The following SETD2 variants were observed in gnomAD, a reference collection of about 807,000 sequenced individuals.
The protein encoded by SETD2 is SET domain containing 2, histone lysine methyltransferase.
A neutral mutation model predicts 242.1 loss-of-function variants in SETD2; 31 were observed. That is an observed-to-expected ratio of 0.13 (90% CI 0.10 to 0.17). The LOEUF (loss-of-function observed/expected upper bound fraction) is 0.17, where lower values mean the gene tolerates loss of function less well. Ranked by LOEUF, SETD2 falls within the 10% of genes least tolerant of loss-of-function variation. The pLI is 1.00. For missense variants in SETD2, 2,481 were observed against 3,046.3 expected (o/e 0.81, Z 4.37); for synonymous variants, 1,006 against 1,066.5 (o/e 0.94, Z 1.11).
At chr3:47,083,685 A>C (rs369733837) in intron 12 of SETD2, 35 bp downstream of exon 12, 48 of 1,559,654 alleles carry the variant, frequency 3.1e-5, no homozygotes, top group Non-Finnish European at 4.0e-5. Context: ...AACCTGAGTA[A>C]TTCAAGTTGA....
chr3:47,044,957 G>A (rs2039455664), intron 16 of SETD2, among the ~76,000 whole-genome samples: 1 of 152,170 alleles, frequency 6.6e-6, no homozygotes, highest in South Asian at 2.1e-4. Flanking sequence ...AATTAGAGAT[G>A]CTCAAGTGGT....
chr3:47,056,126 ATTTATTTATTTATTTT>A (rs1202541430), intron 15 of SETD2, among the ~76,000 whole-genome samples: 1 of 101,986 alleles, frequency 9.8e-6, no homozygotes, highest in Non-Finnish European at 2.2e-5. Context: ...TTATTTATTT[ATTTATTTATTTATTTT>A]GAGATGGCAT....
intron 9 of SETD2, 82 bp from the exon 10 acceptor site, chr3:47,088,329 T>A (rs2107652513): frequency 7.3e-7 from 1 of 1,378,624 alleles, no homozygotes; most frequent in Non-Finnish European, 9.9e-7. Flanking sequence ...TTGCTCAACC[T>A]TATCAATTAT....
At chr3:47,018,985 G>A (rs1324889105) in intron 19 of SETD2, among the ~76,000 whole-genome samples, 1 of 152,220 alleles carries the variant, frequency 6.6e-6, no homozygotes, top group Non-Finnish European at 1.5e-5. Context: ...GCCCTAATAT[G>A]GCATACTTTT....
intron 12 of SETD2, among the ~76,000 whole-genome samples, chr3:47,071,081 G>C (rs2040799413): frequency 6.6e-6 from 1 of 152,116 alleles, no homozygotes; most frequent in Non-Finnish European, 1.5e-5. Flanking sequence ...GGGATGCTTT[G>C]ATCTTCAGCT....
In SETD2 at chr3:47,121,205, G is replaced by A. The variant is rs771866928; in HGVS notation, c.3431C>T (p.Ser1144Phe). The A allele has an allele frequency of 1.2e-5, 20 of 1,613,982 alleles. No individual in the cohort carries two copies. The highest frequency in any genetic ancestry group is 1.5e-5 in the Non-Finnish European group (18 of 1,179,994). The change falls in exon 3 of 21, where the codon TCT becomes TTT. Residue 1144 changes from serine to phenylalanine, a missense_variant. Coordinates refer to ENST00000409792, the MANE Select transcript of SETD2 (RefSeq NM_014159.7). ...HKGTEKNPEI[S>F]FTQSSRKQID... Reference sequence around the variant, plus strand: ...TTGTTTTCTACTGGACTGTGTAAAAGAAATTTCCGGATTCTTCTCTGTTCC... The same window carrying A: ...TTGTTTTCTACTGGACTGTGTAAAAAAAATTTCCGGATTCTTCTCTGTTCC...
intron 9 of SETD2, among the ~76,000 whole-genome samples, chr3:47,090,358 G>A (rs1199044456): frequency 6.6e-6 from 1 of 151,914 alleles, no homozygotes; most frequent in Non-Finnish European, 1.5e-5. Context: ...CTGAACAAGG[G>A]AATATATATG....
rs935008196 is a variant in SETD2, at chr3:47,101,629, T to C, written c.4918-74A>G. 12 of 806,568 alleles carry C rather than the reference T, an allele frequency of 1.5e-5. No homozygotes were observed. The African/African-American group carries it at 1.7e-4, about 12-fold the overall frequency. 50.0% of individuals were successfully genotyped at this position (806,568 alleles called of 1,614,324 possible). Reference sequence around the variant, plus strand: ...GTGTGTGTGTGTGTGTGTGTGTGTGTGTGTGCGCATATATAAAGATCATCA... The same window carrying C: ...GTGTGTGTGTGTGTGTGTGTGTGTGCGTGTGCGCATATATAAAGATCATCA... On this transcript the variant is annotated intron_variant, in intron 7 of 20. Coordinates refer to ENST00000409792, the MANE Select transcript of SETD2 (RefSeq NM_014159.7).
chr3:47,032,360 A>G (rs772265854), intron 18 of SETD2, among the ~76,000 whole-genome samples: 1 of 152,052 alleles, frequency 6.6e-6, no homozygotes, highest in Non-Finnish European at 1.5e-5. Flanking sequence ...ACAAAAATGT[A>G]CAAAACTTAG....
At chr3:47,131,979 T>C (rs1471761342) in intron 1 of SETD2, among the ~76,000 whole-genome samples, 2 of 151,322 alleles carry the variant, frequency 1.3e-5, no homozygotes, top group Admixed American at 6.6e-5. Flanking sequence ...GGTTTCACCA[T>C]GCTGGCCAGG....
intron 12 of SETD2, among the ~76,000 whole-genome samples, chr3:47,076,541 T>C (rs1443284054): frequency 6.6e-6 from 1 of 152,142 alleles, no homozygotes; most frequent in East Asian, 1.9e-4. Context: ...GATGCCACAA[T>C]AAAAGTAACT....
intron 1 of SETD2, among the ~76,000 whole-genome samples, chr3:47,146,008 CCT>C (rs1353487399): frequency 4.5e-5 from 5 of 110,294 alleles, no homozygotes; most frequent in Non-Finnish European, 9.0e-5. Flanking sequence ...AGAGCGAGAC[CCT>C]GTCTCAAAAA....
At chr3:47,153,182 A>C (rs2044037792) in intron 1 of SETD2, among the ~76,000 whole-genome samples, 1 of 152,226 alleles carries the variant, frequency 6.6e-6, no homozygotes, top group Non-Finnish European at 1.5e-5. Context: ...AAATTAAAAA[A>C]TTAAAAAGCA....
intron 8 of SETD2, among the ~76,000 whole-genome samples, chr3:47,100,435 A>G (rs2042165635): frequency 6.6e-6 from 1 of 151,214 alleles, no homozygotes; most frequent in Non-Finnish European, 1.5e-5. Flanking sequence ...TAATTTTTAT[A>G]TTTTTAGTAT....
Position 47,122,540 on chromosome 3 carries a change from TCAG to T in SETD2, c.2093_2095del (p.Ser698_Asp699delinsTyr), listed in dbSNP as rs765018349. ...TAATTCCGATCCAGTCACACTATCATCAGAAGTCATTAAAACAGCATCAGTTTT... is the reference window on the plus strand; with the variant it reads ...TAATTCCGATCCAGTCACACTATCATAAGTCATTAAAACAGCATCAGTTTT... On this transcript the variant is annotated inframe_deletion, in exon 3 of 21. Transcript: ENST00000409792. 4 of 1,614,000 alleles carry T rather than the reference TCAG, an allele frequency of 2.5e-6. No homozygotes were observed. The highest frequency in any genetic ancestry group is 3.3e-5 in the Admixed American group (2 of 60,002).
intron 1 of SETD2, among the ~76,000 whole-genome samples, chr3:47,127,104 C>A (rs2043351255): frequency 6.6e-6 from 1 of 152,160 alleles, no homozygotes. Flanking sequence ...CACCTGTAAT[C>A]CCAGCACTTT....
At chr3:47,022,233 A>AC (rs1553674330) in intron 18 of SETD2, among the ~76,000 whole-genome samples, 4 of 146,726 alleles carry the variant, frequency 2.7e-5, no homozygotes, top group South Asian at 2.2e-4. Context: ...ACACACACAC[A>AC]AATTTAGCAC....
rs1387872740 is a variant in SETD2 at position 47,123,442 on chromosome 3, T to C, written c.1194A>G (p.Arg398=). 5.2e-6 allele frequency: 8 copies of C among 1,551,614 alleles called. No homozygotes were observed. Among genetic ancestry groups the C allele is most frequent in the Non-Finnish European group, 7.0e-6 (8 of 1,146,964 alleles). The part of the protein sequence containing the change: ...RYVSSRCRSE[R]ERRRSRSHSR... ...AGTGAGATCTGCTCCGCCGTCGCTCTCTTTCTGATCTACATCGGGAAGATA... is the reference window on the plus strand; with the variant it reads ...AGTGAGATCTGCTCCGCCGTCGCTCCCTTTCTGATCTACATCGGGAAGATA... The change falls in exon 3 of 21, where the codon AGA becomes AGG. Residue 398 remains arginine (R), a synonymous_variant. Coordinates refer to ENST00000409792, the MANE Select transcript of SETD2 (RefSeq NM_014159.7).
At position 47,086,211 on chromosome 3, in the gene SETD2, T is replaced by G; in HGVS notation, c.5381A>C (p.Gln1794Pro). ...TGAACTGACCTCTTCCTGAAGCTTC[T>G]GGTTACTTTCCCGGCCGTCACCTAG... ...AELGDGRESN[Q>P]KLQEEIIKTL... is the part of the protein sequence containing the mutation. Residue 1794 changes from glutamine to proline, a missense_variant, in exon 11 of 21, where the codon CAG becomes CCG. By Grantham distance (76) the Gln-to-Pro change is moderately conservative. This residue lies in a region of SETD2 where 62 missense variants were observed against 136.7 expected (regional missense o/e 0.45). Coordinates refer to ENST00000409792, the MANE Select transcript of SETD2 (RefSeq NM_014159.7). 1.2e-6 allele frequency: 2 copies of G among 1,612,946 alleles called. No individual in the cohort carries two copies. The highest frequency in any genetic ancestry group is 1.7e-6 in the Non-Finnish European group (2 of 1,179,192).
Sources: gnomAD v4.1 joint callset for allele counts (sites outside exome capture counted in the v4.1 genomes callset) on GRCh38, gnomAD v4.1.1 for gene constraint, gnomAD v4.1.1 regional missense constraint, MANE v1.5 for transcripts, NCBI Gene and HGNC (gene_info 2026-07-23, HGNC 2026-07-21) for gene names.